Variants in LOXL2 observed in about 807,000 individuals in gnomAD.
LOXL2 encodes the protein lysyl oxidase like 2.
Under a neutral mutation model 93.0 loss-of-function variants are expected in LOXL2, and 70 were observed. The observed-to-expected ratio is 0.75, with a 90% CI of 0.62 to 0.92. LOXL2 has a LOEUF of 0.92. Among genes scored for constraint, LOXL2 ranks in the 40% least tolerant of loss-of-function variants. The pLI is 0.00. For synonymous variants in LOXL2, 438 were observed against 413.2 expected (o/e 1.06, Z -0.73); for missense variants, 973 against 1,054.9 (o/e 0.92, Z 1.08).
At chr8:23,333,332 G>T in intron 5 of LOXL2, 69 bp downstream of exon 5, 1 of 1,410,256 alleles carries the variant, frequency 7.1e-7, no homozygotes, top group Non-Finnish European at 1.0e-6. Context: ...GGGGGATCCT[G>T]CCTACTCCCT....
chr8:23,330,844 G>A (rs1272226306), intron 5 of LOXL2, among the ~76,000 whole-genome samples: 1 of 151,890 alleles, frequency 6.6e-6, no homozygotes, highest in Non-Finnish European at 1.5e-5. Context: ...CGGAGGAGAG[G>A]GACATGGCGC....
chr8:23,338,344 C>A (rs890473888), intron 4 of LOXL2, among the ~76,000 whole-genome samples: 3 of 151,852 alleles, frequency 2.0e-5, no homozygotes, highest in Non-Finnish European at 4.4e-5. Flanking sequence ...GGCCAGGGGG[C>A]AGCTCTCAGG....
intron 3 of LOXL2, among the ~76,000 whole-genome samples, chr8:23,354,757 T>C (rs1370074868): frequency 6.6e-6 from 1 of 151,730 alleles, no homozygotes; most frequent in Non-Finnish European, 1.5e-5. Context: ...TCCCTCCCCA[T>C]GTAGGCATCT....
At chr8:23,369,276 T>C (rs1447765457) in intron 1 of LOXL2, among the ~76,000 whole-genome samples, 1 of 152,144 alleles carries the variant, frequency 6.6e-6, no homozygotes, top group African/African-American at 2.4e-5. Flanking sequence ...GGAGCCTACC[T>C]CTAAGAATTC....
Position 23,330,289 on chromosome 8 carries a change from G to T in LOXL2, c.967-1724C>A, listed in dbSNP as rs200652237. On this transcript the variant is annotated intron_variant, in intron 5 of 13. Transcript: ENST00000389131. ...GCGGAGCTTGCAGTGAGCCGAGATTGCGCCACTGCATTCTGGCCTGGGCGA... is the reference window on the plus strand; with the variant it reads ...GCGGAGCTTGCAGTGAGCCGAGATTTCGCCACTGCATTCTGGCCTGGGCGA... Among the ~76,000 whole-genome samples, 1,298 of 152,334 alleles carry T rather than the reference G, an allele frequency of 8.5e-3. 81 individuals carry two copies. The East Asian group carries it at 0.16, about 19-fold the overall frequency.
In LOXL2 at chr8:23,319,944, C is replaced by T. The variant is rs540288227; in HGVS notation, c.1411G>A (p.Val471Met). ...GMVCGQNWGI[V>M]EAMVVCRQLG... ...TGGCGGCAGACCACCATGGCCTCCA[C>T]GATGCCCCAGTTTTGGCCACACACC... Residue 471 changes from valine (V) to methionine (M), a missense_variant, in exon 8 of 14, where the codon GTG becomes ATG. Transcript: ENST00000389131. 8.1e-6 allele frequency: 13 copies of T among 1,614,050 alleles called. 1 individual carries two copies. The highest frequency in any genetic ancestry group is 1.6e-4 in the Middle Eastern group (1 of 6,062).
chr8:23,333,724 G>C, intron 4 of LOXL2, 101 bp from the exon 5 acceptor site: 1 of 932,480 alleles, frequency 1.1e-6, no homozygotes, highest in South Asian at 1.6e-5. Context: ...CCTGCTCCTG[G>C]AGCTCAGCCC....
chr8:23,299,873 GCCA>G (rs1803100330), intron 12 of LOXL2, among the ~76,000 whole-genome samples: 1 of 152,244 alleles, frequency 6.6e-6, no homozygotes, highest in Admixed American at 6.5e-5. Flanking sequence ...GCTGTGGGAA[GCCA>G]AGGCCAGCCT....
rs1357130129 is a variant in LOXL2 at position 23,298,867 on chromosome 8, G to T, written c.2214C>A (p.Gly738=). 5 of 1,613,766 alleles carry T rather than the reference G, an allele frequency of 3.1e-6. No individual in the cohort carries two copies. In the Middle Eastern group the frequency reaches 6.7e-4, roughly 216 times the overall value. Residue 738 remains glycine (G), a synonymous_variant, in exon 13 of 14, where the codon GGC becomes GGA. Transcript: ENST00000389131. ...GGCAGTTGTACATCCAGATGCGGTG[G>T]CCGTCATAGCGGCTCCTGCATTTCA... ...NIMKCRSRYD[G]HRIWMYNCHI...
chr8:23,376,700 CT>C lies in LOXL2; in HGVS notation c.-83-8267del, dbSNP rs565172056. On this transcript the variant is annotated intron_variant, in intron 1 of 13. Transcript: ENST00000389131. ...TATGTGTCCAGGAATTTATCCATTTCTTCTAGATTTTCTAGTTTATTTGCAT... is the reference window on the plus strand; with the variant it reads ...TATGTGTCCAGGAATTTATCCATTTCTCTAGATTTTCTAGTTTATTTGCAT... 1.6e-3 allele frequency among the ~76,000 whole-genome samples: 245 copies of C among 152,284 alleles called. No individual in the cohort carries two copies. In the East Asian group the frequency reaches 0.019, roughly 12 times the overall value.
intron 12 of LOXL2, among the ~76,000 whole-genome samples, chr8:23,299,829 C>A (rs982803087): frequency 3.9e-5 from 6 of 152,210 alleles, no homozygotes; most frequent in African/African-American, 1.4e-4. Flanking sequence ...TGGACACGAA[C>A]CTTTAGCAGG....
At chr8:23,351,288 C>T (rs191940911) in intron 3 of LOXL2, among the ~76,000 whole-genome samples, 20 of 152,316 alleles carry the variant, frequency 1.3e-4, no homozygotes, top group Middle Eastern at 3.4e-3. Flanking sequence ...CAGAACCAGG[C>T]TGACCGCTGC....
intron 1 of LOXL2, among the ~76,000 whole-genome samples, chr8:23,401,688 G>A (rs1383039660): frequency 1.3e-5 from 2 of 152,174 alleles, no homozygotes; most frequent in Non-Finnish European, 2.9e-5. Context: ...CACCTTCGCT[G>A]ATGGTCATGT....
intron 3 of LOXL2, among the ~76,000 whole-genome samples, chr8:23,342,902 C>T (rs1803907504): frequency 6.6e-6 from 1 of 152,078 alleles, no homozygotes; most frequent in African/African-American, 2.4e-5. Context: ...AGGTGTACAT[C>T]ACCACGCCCA....
chr8:23,339,322 C>G (rs1157974660), intron 4 of LOXL2, among the ~76,000 whole-genome samples: 1 of 152,190 alleles, frequency 6.6e-6, no homozygotes, highest in South Asian at 2.1e-4. Context: ...GCAGACAGCA[C>G]CACCCACCAC....
At chr8:23,340,923 C>T (rs985681814) in intron 4 of LOXL2, 69 bp downstream of exon 4, 46 of 1,389,936 alleles carry the variant, frequency 3.3e-5, no homozygotes, top group Middle Eastern at 2.3e-4. Flanking sequence ...ACCACCAGGG[C>T]GGACACTTTT....
chr8:23,304,586 C>A (rs911348218), intron 10 of LOXL2, among the ~76,000 whole-genome samples: 1 of 152,048 alleles, frequency 6.6e-6, no homozygotes, highest in South Asian at 2.1e-4. Context: ...GCTTCCTCTT[C>A]GGCAAAGAGG....
At chr8:23,301,463 CTG>C (rs1183111722) in intron 12 of LOXL2, among the ~76,000 whole-genome samples, 2 of 152,324 alleles carry the variant, frequency 1.3e-5, no homozygotes, top group Admixed American at 6.5e-5. Flanking sequence ...CCTGGCCAGG[CTG>C]TGTCTCGTGT....
Position 23,297,728 on chromosome 8 carries a change from TGGG to T in LOXL2, c.*312_*314del. Reference sequence around the variant, plus strand: ...TCTGTGGTGAGCTCGGTGGCTTGAATGGGACAAGCTGATGACAACCTGTCTGTG... The same window carrying T: ...TCTGTGGTGAGCTCGGTGGCTTGAATACAAGCTGATGACAACCTGTCTGTG... On this transcript the variant is annotated 3_prime_UTR_variant, in exon 14 of 14. Coordinates refer to ENST00000389131, the MANE Select transcript of LOXL2 (RefSeq NM_002318.3). 1.2e-5 allele frequency: 3 copies of T among 256,382 alleles called. No homozygotes were observed. The highest frequency in any genetic ancestry group is 9.4e-5 in the South Asian group (1 of 10,662). The allele number at this position is 256,382 out of a possible 1,614,324, so 15.9% of individuals were successfully genotyped here.
Sources: gnomAD v4.1 joint callset for allele counts (sites outside exome capture counted in the v4.1 genomes callset) on GRCh38, gnomAD v4.1.1 for gene constraint, MANE v1.5 for transcripts, NCBI Gene and HGNC (gene_info 2026-07-23, HGNC 2026-07-21) for gene names.